The following EPRS1 variants were observed in gnomAD, a reference collection of about 807,000 sequenced individuals.
EPRS1 encodes the protein glutamyl-prolyl-tRNA synthetase 1, also known as bifunctional glutamate/proline--tRNA ligase.
EPRS1 carries 107 observed loss-of-function variants against 188.3 expected under a neutral mutation model. That is an observed-to-expected ratio of 0.57 (90% CI 0.49 to 0.67). The LOEUF is 0.67. Among genes scored for constraint, EPRS1 ranks in the 30% least tolerant of loss-of-function variants. The pLI is 0.00. For synonymous variants in EPRS1, 596 were observed against 593.1 expected (o/e 1.00, Z -0.07); for missense variants, 1,577 against 1,802.2 (o/e 0.88, Z 2.26).
In EPRS1 at chr1:219,968,814, T is replaced by A; in HGVS notation, c.4531A>T (p.Ser1511Cys). Reference sequence around the variant, plus strand: ...GGGCTTTCGTTCATCCCTCAGTAGCTGCGACCAAATAAGGTGTAGTACTTG... The same window carrying A: ...GGGCTTTCGTTCATCCCTCAGTAGCAGCGACCAAATAAGGTGTAGTACTTG... ...PAKYYTLFGR[S>C]Y The change falls in exon 32 of 32, where the codon AGC (serine) becomes TGC (cysteine). Residue 1511 changes from serine to cysteine, a missense_variant. By Grantham distance (112) the Ser-to-Cys change is moderately radical. This residue lies in a region of EPRS1 where 296 missense variants were observed against 327.9 expected (regional missense o/e 0.90). Coordinates refer to ENST00000366923, the MANE Select transcript of EPRS1 (RefSeq NM_004446.3). 2 of 1,614,138 alleles carry A rather than the reference T, an allele frequency of 1.2e-6. No homozygotes were observed. The highest frequency in any genetic ancestry group is 1.7e-6 in the Non-Finnish European group (2 of 1,179,990).
intron 9 of EPRS1, 152 bp from the exon 10 acceptor site, chr1:220,020,373 G>C (rs1405923726): frequency 1.7e-6 from 1 of 578,688 alleles, no homozygotes; most frequent in Admixed American, 3.3e-5. Flanking sequence ...TACTCAAAGT[G>C]TATCAAAACA....
intron 18 of EPRS1, among the ~76,000 whole-genome samples, chr1:219,992,725 G>A (rs566905639): frequency 1.1e-4 from 16 of 152,156 alleles, no homozygotes; most frequent in South Asian, 2.1e-4. Flanking sequence ...TCAGGAGTTC[G>A]AGACCAGCCT....
At chr1:219,992,630 A>G (rs61421597) in intron 18 of EPRS1, among the ~76,000 whole-genome samples, 30,277 of 152,248 alleles carry the variant, frequency 0.2, 3,813 homozygotes, top group East Asian at 0.35. Context: ...GTATTCCAAT[A>G]AAACTTCATT....
intron 2 of EPRS1, among the ~76,000 whole-genome samples, chr1:220,039,307 T>C (rs1662249489): frequency 6.6e-6 from 1 of 152,086 alleles, no homozygotes; most frequent in South Asian, 2.1e-4. Flanking sequence ...CCAGTCCAAT[T>C]AAATAACCCT....
chr1:220,007,251 T>A lies in EPRS1; in HGVS notation c.1693A>T (p.Met565Leu). Residue 565 changes from methionine to leucine, a missense_variant, in exon 14 of 32, where the codon ATG becomes TTG. Around this residue, in one of 3 missense-constraint regions of EPRS1, gnomAD observed 1,278 missense variants for 1,457.4 expected, o/e 0.88. Transcript: ENST00000366923. ...ADAETFSEGE[M>L]VTFINWGNLN... Reference sequence around the variant, plus strand: ...TTGCCCCAATTTATAAATGTAACCATCTCACCCTCCGAAAAAGTCTCTGCA... The same window carrying A: ...TTGCCCCAATTTATAAATGTAACCAACTCACCCTCCGAAAAAGTCTCTGCA... 6.2e-7 allele frequency: 1 copy of A among 1,613,936 alleles called. No homozygotes were observed. The highest frequency in any genetic ancestry group is 8.5e-7 in the Non-Finnish European group (1 of 1,179,854).
intron 12 of EPRS1, among the ~76,000 whole-genome samples, chr1:220,011,686 T>C (rs1051946972): frequency 3.3e-5 from 5 of 152,206 alleles, no homozygotes; most frequent in African/African-American, 4.8e-5. Context: ...AGGTAATCAA[T>C]AAATATTTGC....
intron 2 of EPRS1, among the ~76,000 whole-genome samples, chr1:220,039,815 G>A (rs956907055): frequency 2.0e-5 from 3 of 152,204 alleles, no homozygotes. Flanking sequence ...ACCGCGCCCG[G>A]CGATGCCGAA....
intron 16 of EPRS1, 38 bp downstream of exon 16, chr1:220,005,210 A>C: frequency 1.1e-6 from 1 of 905,532 alleles, no homozygotes; most frequent in Non-Finnish European, 1.7e-6. Flanking sequence ...TAACAACTTT[A>C]AGCATTTTCA....
intron 4 of EPRS1, 122 bp from the exon 5 acceptor site, chr1:220,032,648 G>A: frequency 1.1e-6 from 1 of 910,384 alleles, no homozygotes; most frequent in Non-Finnish European, 1.7e-6. Context: ...AAAATGAAAT[G>A]TTAAATATCT....
intron 12 of EPRS1, among the ~76,000 whole-genome samples, chr1:220,014,634 G>A (rs536478483): frequency 6.6e-6 from 1 of 152,316 alleles, no homozygotes; most frequent in Non-Finnish European, 1.5e-5. Context: ...TCAGGAAGGC[G>A]ATTCAATGAA....
In EPRS1 at chr1:220,001,172, T is replaced by G; in HGVS notation, c.2147A>C (p.Lys716Thr). 1 of 1,613,802 alleles carries G rather than the reference T, an allele frequency of 6.2e-7. No homozygotes were observed. The highest frequency in any genetic ancestry group is 1.7e-5 in the Admixed American group (1 of 60,032). The change falls in exon 17 of 32, where the codon AAG (lysine) becomes ACG (threonine). Residue 716 changes from lysine to threonine, a missense_variant. By Grantham distance (78) the Lys-to-Thr change is moderately conservative. Around this residue, in one of 3 missense-constraint regions of EPRS1, gnomAD observed 1,278 missense variants for 1,457.4 expected, o/e 0.88. Coordinates refer to ENST00000366923, the MANE Select transcript of EPRS1 (RefSeq NM_004446.3). Reference sequence around the variant, plus strand: ...TGTGGCTTCTACTTTGGTCTTTTCCTTTGACCCTGATGTTGGCATTTCCTT... The same window carrying G: ...TGTGGCTTCTACTTTGGTCTTTTCCGTTGACCCTGATGTTGGCATTTCCTT... ...HTKEMPTSGS[K>T]EKTKVEATKN...
intron 19 of EPRS1, 125 bp from the exon 20 acceptor site, chr1:219,987,529 C>A (rs906336394): frequency 2.6e-6 from 2 of 778,980 alleles, no homozygotes; most frequent in Non-Finnish European, 2.0e-6. Context: ...GGGGAATGTG[C>A]CCAGGTGGTG....
chr1:220,007,393 G>T, intron 13 of EPRS1, 55 bp from the exon 14 acceptor site: 3 of 1,549,784 alleles, frequency 1.9e-6, no homozygotes, highest in Non-Finnish European at 2.6e-6. Context: ...ATTGAACCCA[G>T]TATGCAAATT....
At chr1:220,015,522 TGGAAAG>T (rs57305274) in intron 12 of EPRS1, among the ~76,000 whole-genome samples, 120,609 of 150,460 alleles carry the variant, frequency 0.8, 48,470 homozygotes, top group East Asian at 0.93. Context: ...AAATAAAAGA[TGGAAAG>T]GGAAAGGGAA....
At chr1:220,029,573 A>ATTAAATTTGGAAATC (rs1662049023) in intron 6 of EPRS1, among the ~76,000 whole-genome samples, 3 of 152,258 alleles carry the variant, frequency 2.0e-5, no homozygotes, top group Admixed American at 2.0e-4. Context: ...ATCTGAAAAA[A>ATTAAATTTGGAAATC]TTAAATTTGG....
intron 12 of EPRS1, among the ~76,000 whole-genome samples, chr1:220,017,312 G>C (rs1558056541): frequency 6.6e-6 from 1 of 152,172 alleles, no homozygotes; most frequent in African/African-American, 2.4e-5. Context: ...AGAGGAATGT[G>C]TTGTTCATCT....
intron 18 of EPRS1, among the ~76,000 whole-genome samples, chr1:219,995,727 G>T (rs1166955654): frequency 6.6e-6 from 1 of 152,176 alleles, no homozygotes; most frequent in East Asian, 1.9e-4. Flanking sequence ...ACAATGGAGA[G>T]ACAGAAAAAT....
Position 220,034,950 on chromosome 1 carries a change from AGCT to A in EPRS1, c.192_194del (p.Ala65del). 1 of 1,604,776 alleles carries A rather than the reference AGCT, an allele frequency of 6.2e-7. No homozygotes were observed. Among genetic ancestry groups the A allele is most frequent in the South Asian group, 1.1e-5 (1 of 89,956 alleles). The stretch of plus-strand genomic sequence containing the variant: ...CCATCAGATTAGAGCCATATAACCC[AGCT>A]GTAGTTGCAACTCTAGCCAAGTAGC... On this transcript the variant is annotated inframe_deletion, in exon 3 of 32. Transcript: ENST00000366923.
At chr1:219,997,734 T>A (rs560714420) in intron 17 of EPRS1, among the ~76,000 whole-genome samples, 1 of 152,320 alleles carries the variant, frequency 6.6e-6, no homozygotes, top group East Asian at 1.9e-4. Context: ...GGGATAACCA[T>A]ACTTAACCCA....
Sources: gnomAD v4.1 joint callset for allele counts (sites outside exome capture counted in the v4.1 genomes callset) on GRCh38, gnomAD v4.1.1 for gene constraint, gnomAD v4.1.1 regional missense constraint, MANE v1.5 for transcripts, NCBI Gene and HGNC (gene_info 2026-07-23, HGNC 2026-07-21) for gene names.